NT5C2: variants seen among roughly 807,000 people sequenced by gnomAD.
NT5C2 encodes the protein cytosolic purine 5'-nucleotidase.
Under a neutral mutation model 76.1 loss-of-function variants are expected in NT5C2, and 58 were observed. The ratio of observed to expected loss-of-function variants is 0.76; its 90% CI spans 0.62 to 0.95. The LOEUF (loss-of-function observed/expected upper bound fraction) is 0.95. Ranked by LOEUF, NT5C2 falls within the 40% of genes least tolerant of loss-of-function variation. The pLI, the probability that NT5C2 is intolerant of heterozygous loss-of-function variation, is 0.00. For synonymous variants in NT5C2, 229 were observed against 237.4 expected, an observed-to-expected ratio of 0.96 and a Z score of 0.32; for missense variants, 478 against 690.3, an observed-to-expected ratio of 0.69 and a Z score of 3.45.
intron 4 of NT5C2, among the ~76,000 whole-genome samples, chr10:103,117,545 T>C (rs79082900): frequency 0.089 from 13,473 of 151,778 alleles, 838 homozygotes; most frequent in East Asian, 0.28. Flanking sequence ...TATTCAGGAG[T>C]TTGAGGTAAG....
intron 1 of NT5C2, among the ~76,000 whole-genome samples, chr10:103,186,965 G>C (rs1273361990): frequency 1.3e-5 from 2 of 150,138 alleles, no homozygotes; most frequent in Non-Finnish European, 3.0e-5. Flanking sequence ...AGATTCTAAT[G>C]TTAGGCCAGG....
rs1007768669 is a variant in NT5C2 at position 103,106,725 on chromosome 10, T to C, written c.176-19A>G. The C allele has an allele frequency of 4.3e-6, 6 of 1,408,782 alleles. No homozygotes were observed. In the Admixed American group the frequency reaches 8.6e-5, roughly 20 times the overall value. The allele number at this position is 1,408,782 out of a possible 1,614,324, so 87.3% of individuals were successfully genotyped here. The stretch of plus-strand genomic sequence containing the variant: ...TTGTACACTGCACAAAGAGGAGGTT[T>C]TCATTAGTTAGCAGAAAGAACAGCC... On this transcript the variant is annotated intron_variant, in intron 4 of 18. Transcript: ENST00000404739.
At chr10:103,126,661 G>C (rs1488971607) in intron 4 of NT5C2, among the ~76,000 whole-genome samples, 1 of 152,028 alleles carries the variant, frequency 6.6e-6, no homozygotes, top group Non-Finnish European at 1.5e-5. Flanking sequence ...GTCCACTCTT[G>C]GCCAGTGGTA....
chr10:103,117,192 T>G (rs1378779992), intron 4 of NT5C2, among the ~76,000 whole-genome samples: 1 of 152,198 alleles, frequency 6.6e-6, no homozygotes, highest in Non-Finnish European at 1.5e-5. Flanking sequence ...CAAAATAAGC[T>G]GTCTCTCTCT....
chr10:103,169,887 G>A (rs1171924088), intron 3 of NT5C2, among the ~76,000 whole-genome samples: 2 of 152,160 alleles, frequency 1.3e-5, no homozygotes, highest in African/African-American at 4.8e-5. Flanking sequence ...AGAACTTTGG[G>A]AGGCTGAGGC....
Position 103,091,061 on chromosome 10 carries a change from GTC to G in NT5C2, c.1212-67_1212-66del, listed in dbSNP as rs2066697163. ...GAGCTTTTTTTTATTCTTTAAGACA[GTC>G]TCATTCTGTCACTCAGGCTGGAGTG... On this transcript the variant is annotated intron_variant, in intron 16 of 18. Transcript: ENST00000404739. 2.9e-6 allele frequency: 4 copies of G among 1,397,844 alleles called. No homozygotes were observed. In the Admixed American group the frequency reaches 6.8e-5, roughly 24 times the overall value. 86.6% of individuals were successfully genotyped at this position (1,397,844 alleles called of 1,614,324 possible). A position where few individuals can be genotyped will look rare whatever the true frequency, so the allele number is the denominator to read the frequency against.
chr10:103,172,465 T>C (rs1177266721), intron 3 of NT5C2, among the ~76,000 whole-genome samples: 1 of 151,442 alleles, frequency 6.6e-6, no homozygotes, highest in Non-Finnish European at 1.5e-5. Context: ...GCCAGGAAGG[T>C]CTCGATCTCC....
intron 4 of NT5C2, among the ~76,000 whole-genome samples, chr10:103,123,068 A>G (rs2075994743): frequency 6.6e-6 from 1 of 152,052 alleles, no homozygotes; most frequent in African/African-American, 2.4e-5. Flanking sequence ...GGAAGGAAAG[A>G]TATTTCTTTC....
At chr10:103,133,584 G>T (rs1282184812) in intron 4 of NT5C2, among the ~76,000 whole-genome samples, 3 of 152,066 alleles carry the variant, frequency 2.0e-5, no homozygotes, top group African/African-American at 7.2e-5. Context: ...TTTGTAAACT[G>T]CCCAGTCTCA....
chr10:103,171,002 A>G (rs934603060), intron 3 of NT5C2, among the ~76,000 whole-genome samples: 1 of 152,202 alleles, frequency 6.6e-6, no homozygotes, highest in African/African-American at 2.4e-5. Context: ...TCCAAATGTT[A>G]TGTTTTATTA....
intron 3 of NT5C2, among the ~76,000 whole-genome samples, chr10:103,157,988 G>A (rs867146747): frequency 2.0e-5 from 3 of 151,862 alleles, no homozygotes; most frequent in South Asian, 2.1e-4. Flanking sequence ...CAGGAGAATC[G>A]CTTGAACCCG....
intron 3 of NT5C2, among the ~76,000 whole-genome samples, chr10:103,168,183 T>C (rs931093339): frequency 6.6e-6 from 1 of 151,616 alleles, no homozygotes; most frequent in African/African-American, 2.4e-5. Context: ...GAAAAATCAC[T>C]GCAATATTTT....
intron 3 of NT5C2, among the ~76,000 whole-genome samples, chr10:103,144,044 A>T (rs1057475327): frequency 1.5e-4 from 23 of 152,202 alleles, no homozygotes; most frequent in African/African-American, 5.5e-4. Context: ...GTTATTACTG[A>T]TAAAAGCATC....
chr10:103,184,802 G>A (rs1038720071), intron 1 of NT5C2, among the ~76,000 whole-genome samples: 4 of 152,078 alleles, frequency 2.6e-5, no homozygotes, highest in African/African-American at 9.7e-5. Context: ...ATCAGGCCTC[G>A]GAACAAAAGC....
At chr10:103,159,818 G>A (rs1322874655) in intron 3 of NT5C2, among the ~76,000 whole-genome samples, 1 of 152,070 alleles carries the variant, frequency 6.6e-6, no homozygotes, top group Non-Finnish European at 1.5e-5. Flanking sequence ...AATACTATTA[G>A]GACAGCAATA....
intron 3 of NT5C2, among the ~76,000 whole-genome samples, chr10:103,154,272 T>A (rs925023854): frequency 6.6e-6 from 1 of 152,100 alleles, no homozygotes; most frequent in African/African-American, 2.4e-5. Flanking sequence ...AGGCTTAAAA[T>A]TTTTAAAAGC....
At chr10:103,159,251 GCACA>G (rs57117670) in intron 3 of NT5C2, among the ~76,000 whole-genome samples, 15,085 of 133,152 alleles carry the variant, frequency 0.11, 942 homozygotes, top group East Asian at 0.26. Flanking sequence ...TCCAAAACAT[GCACA>G]CACACACACA....
intron 3 of NT5C2, among the ~76,000 whole-genome samples, chr10:103,156,394 A>T (rs1457874307): frequency 6.6e-6 from 1 of 152,206 alleles, no homozygotes; most frequent in African/African-American, 2.4e-5. Context: ...TCTTGGATCT[A>T]TGGTGGTAAT....
chr10:103,174,547 G>A (rs1042590198), intron 3 of NT5C2, among the ~76,000 whole-genome samples: 3 of 151,962 alleles, frequency 2.0e-5, no homozygotes, highest in Admixed American at 1.3e-4. Flanking sequence ...CTCCAGCCTG[G>A]GCAACAGAGC....
Sources: gnomAD v4.1 joint callset for allele counts (sites outside exome capture counted in the v4.1 genomes callset) on GRCh38, gnomAD v4.1.1 for gene constraint, MANE v1.5 for transcripts, NCBI Gene and HGNC (gene_info 2026-07-23, HGNC 2026-07-21) for gene names.